The following CAPN8 variants were observed in gnomAD, a reference collection of about 807,000 sequenced individuals.
CAPN8 encodes calpain 8.
Under a neutral mutation model 80.9 loss-of-function variants are expected in CAPN8, and 87 were observed. The observed-to-expected ratio is 1.07, with a 90% CI of 0.90 to 1.28. CAPN8 has a LOEUF of 1.28. Ranked by LOEUF, CAPN8 falls within the 50% of genes most tolerant of loss-of-function variation. The pLI is 0.00. For missense variants in CAPN8, 757 were observed against 702.0 expected (o/e 1.08, Z -0.89); for synonymous variants, 299 against 273.8 (o/e 1.09, Z -0.91).
At chr1:223,645,401 C>T (rs1257618851) in intron 2 of CAPN8, among the ~76,000 whole-genome samples, 1 of 152,166 alleles carries the variant, frequency 6.6e-6, no homozygotes, top group Admixed American at 6.5e-5. Context: ...TCCTTCAATC[C>T]AATCAAGTTG....
chr1:223,628,598 G>A, intron 3 of CAPN8, 64 bp downstream of exon 3: 1 of 1,275,594 alleles, frequency 7.8e-7, no homozygotes, highest in Non-Finnish European at 1.1e-6. Context: ...CTGACGCAGT[G>A]GACCTGCAGT....
intron 4 of CAPN8, 106 bp downstream of exon 4, chr1:223,627,903 C>T (rs1012528718): frequency 6.5e-5 from 86 of 1,324,876 alleles, no homozygotes; most frequent in East Asian, 2.3e-4. Context: ...CTGGGAAAGA[C>T]GCCATGACGC....
chr1:223,557,205 C>A (rs1572226636), intron 13 of CAPN8, among the ~76,000 whole-genome samples: 3 of 86,936 alleles, frequency 3.5e-5, no homozygotes, highest in Admixed American at 1.2e-4. Context: ...CCATCTCATG[C>A]ATCAGCAGAA....
chr1:223,627,061 T>A lies in CAPN8; in HGVS notation c.657A>T (p.Lys219Asn). ...TGATCTGATATAGATTGGCTGGTGG[T>A]TTCTTCAGGTCATAAAACTCAGAGA... ...GGISEFYDLK[K>N]PPANLYQIIR... The change falls in exon 5 of 21, where the codon AAA (lysine) becomes AAT (asparagine). Residue 219 changes from lysine (K) to asparagine (N), a missense_variant. Physicochemically the swap from Lys to Asn is moderately conservative, Grantham distance 94. Coordinates refer to ENST00000366872, the MANE Select transcript of CAPN8 (RefSeq NM_001143962.2). 1 of 1,551,630 alleles carries A rather than the reference T, an allele frequency of 6.4e-7. No individual in the cohort carries two copies. The highest frequency in any genetic ancestry group is 8.7e-7 in the Non-Finnish European group (1 of 1,146,962).
intron 2 of CAPN8, among the ~76,000 whole-genome samples, chr1:223,643,622 C>A (rs1658104539): frequency 6.6e-6 from 1 of 152,232 alleles, no homozygotes; most frequent in Non-Finnish European, 1.5e-5. Context: ...GGCTGGTGGG[C>A]AGGGCAACTG....
chr1:223,624,426 T>A (rs1558345410), intron 6 of CAPN8, among the ~76,000 whole-genome samples: 1 of 152,146 alleles, frequency 6.6e-6, no homozygotes, highest in East Asian at 1.9e-4. Flanking sequence ...AACCACTAGC[T>A]GGGTATGGTG....
intron 7 of CAPN8, among the ~76,000 whole-genome samples, chr1:223,621,775 C>G (rs1657400473): frequency 6.6e-6 from 1 of 152,050 alleles, no homozygotes; most frequent in Non-Finnish European, 1.5e-5. Flanking sequence ...GTACCGACAG[C>G]ACTTGAGGAT....
chr1:223,549,245 G>C, intron 16 of CAPN8, 73 bp downstream of exon 16: 1 of 1,522,600 alleles, frequency 6.6e-7, no homozygotes, highest in South Asian at 1.2e-5. Flanking sequence ...CCTTCTAACT[G>C]GAAAAGGTGG....
At chr1:223,549,294 A>T (rs1656718269) in intron 16 of CAPN8, 24 bp downstream of exon 16, 1 of 1,543,320 alleles carries the variant, frequency 6.5e-7, no homozygotes, top group South Asian at 1.2e-5. Flanking sequence ...AAAAAAAAAA[A>T]ATAATGCAAC....
chr1:223,543,455 G>A (rs781679247), intron 19 of CAPN8, among the ~76,000 whole-genome samples: 16 of 152,136 alleles, frequency 1.1e-4, no homozygotes, highest in Non-Finnish European at 1.9e-4. Context: ...TATCAGAAAC[G>A]TGCAATTACT....
intron 2 of CAPN8, among the ~76,000 whole-genome samples, chr1:223,635,469 C>T (rs1442615730): frequency 6.6e-6 from 1 of 152,236 alleles, no homozygotes; most frequent in African/African-American, 2.4e-5. Context: ...TTGACAATTC[C>T]CATCTCTCTG....
rs147671518 is a variant in CAPN8 at position 223,631,136 on chromosome 1, G to A, written c.308-2356C>T. The stretch of plus-strand genomic sequence containing the variant: ...GATATGTACAAAACATACCCTGGTC[G>A]TTTTCATTGATGTGATTTTTCTTGT... On this transcript the variant is annotated intron_variant, in intron 2 of 20. Coordinates refer to ENST00000366872, the MANE Select transcript of CAPN8 (RefSeq NM_001143962.2). 1.6e-4 allele frequency among the ~76,000 whole-genome samples: 24 copies of A among 152,186 alleles called. No homozygotes were observed. In the East Asian group the frequency reaches 2.3e-3, roughly 15 times the overall value.
At chr1:223,615,095 C>A (rs1052459233) in intron 10 of CAPN8, among the ~76,000 whole-genome samples, 2 of 152,202 alleles carry the variant, frequency 1.3e-5, no homozygotes, top group Admixed American at 1.3e-4. Flanking sequence ...GGATCTCGAC[C>A]ATTGCACTAT....
intron 20 of CAPN8, among the ~76,000 whole-genome samples, chr1:223,542,526 C>A (rs1036206404): frequency 2.6e-4 from 39 of 152,128 alleles, no homozygotes; most frequent in Non-Finnish European, 1.5e-5. Context: ...CTAGTTCCAC[C>A]GCCTCAGAAT....
chr1:223,624,553 A>G (rs1476968573), intron 6 of CAPN8, among the ~76,000 whole-genome samples: 1 of 151,872 alleles, frequency 6.6e-6, no homozygotes, highest in East Asian at 1.9e-4. Context: ...AAAATTTTTA[A>G]AAAATTAATA....
intron 1 of CAPN8, among the ~76,000 whole-genome samples, chr1:223,659,778 T>C (rs1265522894): frequency 6.6e-6 from 1 of 152,184 alleles, no homozygotes; most frequent in Non-Finnish European, 1.5e-5. Context: ...TGGGTAATAT[T>C]GTTATCTCCA....
chr1:223,552,155 C>T (rs1656803779), intron 14 of CAPN8, among the ~76,000 whole-genome samples: 1 of 152,190 alleles, frequency 6.6e-6, no homozygotes, highest in Non-Finnish European at 1.5e-5. Context: ...CCTCCGCTAG[C>T]CAGGCCCTGG....
chr1:223,662,999 T>A (rs1458351530), intron 1 of CAPN8, among the ~76,000 whole-genome samples: 1 of 152,224 alleles, frequency 6.6e-6, no homozygotes, highest in Admixed American at 6.5e-5. Flanking sequence ...TTTTCACTGA[T>A]GATTAGGGAA....
At chr1:223,637,554 T>C (rs1207626389) in intron 2 of CAPN8, among the ~76,000 whole-genome samples, 1 of 152,280 alleles carries the variant, frequency 6.6e-6, no homozygotes, top group East Asian at 1.9e-4. Flanking sequence ...CAGGATCCTC[T>C]GTTTAAGTTC....
Sources: gnomAD v4.1 joint callset for allele counts (sites outside exome capture counted in the v4.1 genomes callset) on GRCh38, gnomAD v4.1.1 for gene constraint, MANE v1.5 for transcripts, NCBI Gene and HGNC (gene_info 2026-07-23, HGNC 2026-07-21) for gene names.